Variants in RASAL3 observed in about 807,000 individuals in gnomAD.
RASAL3 encodes the protein RAS protein activator like 3.
Under a neutral mutation model 105.5 loss-of-function variants are expected in RASAL3, and 74 were observed. The ratio of observed to expected loss-of-function variants is 0.70; its 90% CI spans 0.58 to 0.85. The LOEUF (loss-of-function observed/expected upper bound fraction) is 0.85. Among genes scored for constraint, RASAL3 ranks in the 40% least tolerant of loss-of-function variants. The probability of loss-of-function intolerance (pLI) is 0.00; values close to 1 mark genes in which losing one functional copy is unlikely to be tolerated. For synonymous variants in RASAL3, 579 were observed against 591.6 expected, an observed-to-expected ratio of 0.98 and a Z score of 0.31; for missense variants, 1,352 against 1,392.0, an observed-to-expected ratio of 0.97 and a Z score of 0.46.
chr19:15,461,876 C>T (rs189972435), intron 2 of RASAL3, among the ~76,000 whole-genome samples: 1 of 152,326 alleles, frequency 6.6e-6, no homozygotes. Context: ...CTCCAAAAGC[C>T]ATTCAAAGGG....
At position 15,453,371 on chromosome 19, in the gene RASAL3, C is replaced by A; in HGVS notation, c.2406G>T (p.Pro802=). The stretch of plus-strand genomic sequence containing the variant: ...GCCGCCGCAGGGGCCGCTCTTCGTC[C>A]GGCCGTGGCCGGGCCCAACTCTCTG... ...RRSESWARPR[P]DEERPLRRPR... is the part of the protein sequence containing the mutation. Residue 802 remains proline, a synonymous_variant, in exon 15 of 18, where the codon CCG becomes CCT. Coordinates refer to ENST00000343625, the MANE Select transcript of RASAL3 (RefSeq NM_022904.3). The surrounding 1 kb of genome is among the most constrained non-coding windows in gnomAD (Gnocchi z 4.2). 6.9e-7 allele frequency: 1 copy of A among 1,449,686 alleles called. No individual in the cohort carries two copies. The highest frequency in any genetic ancestry group is 1.4e-5 in the South Asian group (1 of 71,712). 89.8% of individuals were successfully genotyped at this position (1,449,686 alleles called of 1,614,324 possible).
Position 15,457,977 on chromosome 19 carries a change from C to T in RASAL3, c.889-143G>A. ...GGGCCTTTGGGGAAAGAAGTGGAGC[C>T]ACGGGAGTCCGGAGGCGGTTACGCG... On this transcript the variant is annotated intron_variant, in intron 8 of 17. Coordinates refer to ENST00000343625, the MANE Select transcript of RASAL3 (RefSeq NM_022904.3). This position sits in a 1 kb window ranked among gnomAD's most constrained non-coding sequence, Gnocchi z 8.6. 1.0e-6 allele frequency: 1 copy of T among 972,642 alleles called. No individual in the cohort carries two copies. The highest frequency in any genetic ancestry group is 1.5e-6 in the Non-Finnish European group (1 of 665,832). The allele number at this position is 972,642 out of a possible 1,614,324, so 60.3% of individuals were successfully genotyped here.
chr19:15,453,250 T>C lies in RASAL3; in HGVS notation c.2527A>G (p.Ser843Gly). 6.3e-7 allele frequency: 1 copy of C among 1,584,402 alleles called. No individual in the cohort carries two copies. Among genetic ancestry groups the C allele is most frequent in the Non-Finnish European group, 8.6e-7 (1 of 1,167,414 alleles). ...CGGGCGCGGGGCGCTGGTCCCATGC[T>C]CAGGGAGCCTTTGGGTCGCGGCCAG... ...GPWPRPKGSL[S>G]MGPAPRARPW... Residue 843 changes from serine to glycine, a missense_variant, in exon 15 of 18, where the codon AGC becomes GGC. Ser to Gly is a moderately conservative substitution (Grantham distance 56). This residue lies in a region of RASAL3 where 920 missense variants were observed against 919.6 expected (regional missense o/e 1.00). Coordinates refer to ENST00000343625, the MANE Select transcript of RASAL3 (RefSeq NM_022904.3). The surrounding 1 kb of genome is among the most constrained non-coding windows in gnomAD (Gnocchi z 4.2).
rs1479252571 is a variant in RASAL3, at chr19:15,452,679, A to G, written c.2807T>C (p.Leu936Pro). Reference sequence around the variant, plus strand: ...TCACCCAGCACGGAGCCTGGAGTCCAGATCCTGCAGCTGGCCCCGCAGCTG... The same window carrying G: ...TCACCCAGCACGGAGCCTGGAGTCCGGATCCTGCAGCTGGCCCCGCAGCTG... Reference protein sequence around the residue: ...QEQLRGQLQDLDSRLRAGSSE... With the variant: ...QEQLRGQLQDPDSRLRAGSSE... The change falls in exon 16 of 18, where the codon CTG becomes CCG. Residue 936 changes from leucine (L) to proline (P), a missense_variant. This residue lies in a region of RASAL3 where 920 missense variants were observed against 919.6 expected (regional missense o/e 1.00). Coordinates refer to ENST00000343625, the MANE Select transcript of RASAL3 (RefSeq NM_022904.3). 3.9e-6 allele frequency: 6 copies of G among 1,550,376 alleles called. No individual in the cohort carries two copies. Among genetic ancestry groups the G allele is most frequent in the East Asian group, 2.4e-5 (1 of 41,048 alleles).
chr19:15,459,447 G>A (rs1032412993), intron 6 of RASAL3, among the ~76,000 whole-genome samples: 1 of 151,072 alleles, frequency 6.6e-6, no homozygotes, highest in Non-Finnish European at 1.5e-5. Flanking sequence ...ATTTCACCAC[G>A]TTGGCCAGGC....
In RASAL3 at chr19:15,460,343, T is replaced by C. The variant is rs373790332; in HGVS notation, c.607-85A>G. On this transcript the variant is annotated intron_variant, in intron 5 of 17. Coordinates refer to ENST00000343625, the MANE Select transcript of RASAL3 (RefSeq NM_022904.3). ...TCCCAAGACATCCCAGAGGATCTACTGGTCTTGGAGGACCAACACCAAGCT... is the reference window on the plus strand; with the variant it reads ...TCCCAAGACATCCCAGAGGATCTACCGGTCTTGGAGGACCAACACCAAGCT... 119 of 1,344,626 alleles carry C rather than the reference T, an allele frequency of 8.9e-5. 1 individual carries two copies. The East Asian group carries it at 2.3e-3, about 26-fold the overall frequency. The allele number at this position is 1,344,626 out of a possible 1,614,324, so 83.3% of individuals were successfully genotyped here. A position where few individuals can be genotyped will look rare whatever the true frequency, so the allele number is the denominator to read the frequency against.
intron 2 of RASAL3, among the ~76,000 whole-genome samples, chr19:15,462,100 C>G (rs1599752416): frequency 6.6e-6 from 1 of 152,032 alleles, no homozygotes; most frequent in Non-Finnish European, 1.5e-5. Context: ...TGCCTGTAAT[C>G]CCAACATTTG....
Position 15,456,553 on chromosome 19 carries a change from T to C in RASAL3, c.1525A>G (p.Ile509Val). The C allele has an allele frequency of 6.2e-7, 1 of 1,613,844 alleles. No homozygotes were observed. Residue 509 changes from isoleucine (I) to valine (V), a missense_variant, in exon 10 of 18, where the codon ATC becomes GTC. By Grantham distance (29) the Ile-to-Val change is conservative. Around this residue, in one of 3 missense-constraint regions of RASAL3, gnomAD observed 920 missense variants for 919.6 expected, o/e 1.00. Coordinates refer to ENST00000343625, the MANE Select transcript of RASAL3 (RefSeq NM_022904.3). The surrounding 1 kb of genome is among the most constrained non-coding windows in gnomAD (Gnocchi z 4.4). ...GCCACGAGCTTCATGTACTCATCGATAGCCTTGGTGGCCAATGTGTTTTCC... is the reference window on the plus strand; with the variant it reads ...GCCACGAGCTTCATGTACTCATCGACAGCCTTGGTGGCCAATGTGTTTTCC... ...FRENTLATKA[I>V]DEYMKLVAQD...
rs1369103496 is a variant in RASAL3, at chr19:15,457,363, G to C, written c.1360C>G (p.Leu454Val). The C allele has an allele frequency of 4.9e-6, 7 of 1,425,382 alleles. No homozygotes were observed. The East Asian group carries it at 2.2e-4, about 45-fold the overall frequency. 88.3% of individuals were successfully genotyped at this position (1,425,382 alleles called of 1,614,324 possible). ...AGCTCCTCCTTGGCCTGCGCAGGCA[G>C]CGCGGGCTCCAGGGCCCCGCAGAGG... ...ARLCGALEPA[L>V]PAQAKEELAA... is the part of the protein sequence containing the mutation. The change falls in exon 9 of 18, where the codon CTG becomes GTG. Residue 454 changes from leucine to valine, a missense_variant. Coordinates refer to ENST00000343625, the MANE Select transcript of RASAL3 (RefSeq NM_022904.3). This position sits in a 1 kb window ranked among gnomAD's most constrained non-coding sequence, Gnocchi z 8.6.
intron 8 of RASAL3, 96 bp downstream of exon 8, chr19:15,458,232 G>A: frequency 8.6e-7 from 1 of 1,157,108 alleles, no homozygotes; most frequent in Non-Finnish European, 1.2e-6. Context: ...TGTTGGGGGC[G>A]CGGGTTATGG....
chr19:15,457,566 G>T lies in RASAL3; in HGVS notation c.1157C>A (p.Ala386Glu), dbSNP rs773134508. 474 of 1,186,650 alleles carry T rather than the reference G, an allele frequency of 4.0e-4. 1 individual carries two copies. Among genetic ancestry groups the T allele is most frequent in the Non-Finnish European group, 4.6e-4 (443 of 953,160 alleles). The allele number at this position is 1,186,650 out of a possible 1,614,324, so 73.5% of individuals were successfully genotyped here. Reference sequence around the variant, plus strand: ...GCGTGGGGCGTCCAGCTCCTCCAGCGCCAGGGCCACGCGGCCCAGCACCGC... The same window carrying T: ...GCGTGGGGCGTCCAGCTCCTCCAGCTCCAGGGCCACGCGGCCCAGCACCGC... Reference protein sequence around the residue: ...GSAVLGRVALALEELDAPRAP... With the variant: ...GSAVLGRVALELEELDAPRAP... The change falls in exon 9 of 18, where the codon GCG (alanine) becomes GAG (glutamate). Residue 386 changes from alanine (A) to glutamate (E), a missense_variant. By Grantham distance (107) the Ala-to-Glu change is moderately radical. Coordinates refer to ENST00000343625, the MANE Select transcript of RASAL3 (RefSeq NM_022904.3). The surrounding 1 kb of genome is among the most constrained non-coding windows in gnomAD (Gnocchi z 8.6).
In RASAL3 at chr19:15,457,604, C is replaced by T; in HGVS notation, c.1119G>A (p.Leu373=). The stretch of plus-strand genomic sequence containing the variant: ...GGCCCAGCACCGCGCTTCCCGGGCC[C>T]AAGCCGCGCAGCCGCAGCGACAGGC... The part of the protein sequence containing the change: ...ARRLSLRLRG[L]GPGSAVLGRV... The change falls in exon 9 of 18, where the codon TTG becomes TTA. Residue 373 remains leucine, a synonymous_variant. Coordinates refer to ENST00000343625, the MANE Select transcript of RASAL3 (RefSeq NM_022904.3). The surrounding 1 kb of genome is among the most constrained non-coding windows in gnomAD (Gnocchi z 8.6). The T allele has an allele frequency of 7.4e-7, 1 of 1,347,928 alleles. No individual in the cohort carries two copies. Among genetic ancestry groups the T allele is most frequent in the South Asian group, 1.4e-5 (1 of 70,014 alleles). 83.5% of individuals were successfully genotyped at this position (1,347,928 alleles called of 1,614,324 possible). A position where few individuals can be genotyped will look rare whatever the true frequency, so the allele number is the denominator to read the frequency against.
rs1025046819 is a variant in RASAL3, at chr19:15,453,406, C to A, written c.2371G>T (p.Val791Phe). 2.7e-6 allele frequency: 4 copies of A among 1,504,246 alleles called. No individual in the cohort carries two copies. The highest frequency in any genetic ancestry group is 3.5e-6 in the Non-Finnish European group (4 of 1,137,376). 93.2% of individuals were successfully genotyped at this position (1,504,246 alleles called of 1,614,324 possible). The stretch of plus-strand genomic sequence containing the variant: ...CGGGCCCAACTCTCTGAGCGGCGAA[C>A]GCTGCGCAGAGACTGGCTCTTGGAG... ...LISKSQSLRS[V>F]RRSESWARPR... Residue 791 changes from valine (V) to phenylalanine (F), a missense_variant, in exon 15 of 18, where the codon GTT becomes TTT. Val to Phe is a conservative substitution (Grantham distance 50). Transcript: ENST00000343625. This position sits in a 1 kb window ranked among gnomAD's most constrained non-coding sequence, Gnocchi z 4.2.
intron 11 of RASAL3, among the ~76,000 whole-genome samples, chr19:15,455,691 G>T (rs1390774405): frequency 6.6e-6 from 1 of 152,182 alleles, no homozygotes; most frequent in East Asian, 1.9e-4. Context: ...TTGGGACAGG[G>T]TCTCTGTCAA....
chr19:15,462,735 G>A (rs1417094577), intron 2 of RASAL3, among the ~76,000 whole-genome samples: 3 of 152,170 alleles, frequency 2.0e-5, no homozygotes, highest in Non-Finnish European at 2.9e-5. Flanking sequence ...GGCGGATCAT[G>A]AGGTCAGGAG....
chr19:15,452,905 G>C (rs1200361183), intron 15 of RASAL3, 90 bp from the exon 16 acceptor site: 1 of 1,464,336 alleles, frequency 6.8e-7, no homozygotes, highest in Admixed American at 2.3e-5. Flanking sequence ...AGCGCTCAGC[G>C]TCATCACCGG....
Position 15,453,283 on chromosome 19 carries a change from C to T in RASAL3, c.2494G>A (p.Ala832Thr), listed in dbSNP as rs1392906375. Residue 832 changes from alanine to threonine, a missense_variant, in exon 15 of 18, where the codon GCG becomes ACG. Transcript: ENST00000343625. The surrounding 1 kb of genome is among the most constrained non-coding windows in gnomAD (Gnocchi z 4.2). ...CCTTTGGGTCGCGGCCAGGGCCCCG[C>T]AGATTGGCGGCGGCGGGCAGGACGC... ...VRRPARRRQS[A>T]GPWPRPKGSL... The T allele has an allele frequency of 1.6e-5, 24 of 1,528,292 alleles. No individual in the cohort carries two copies. The Admixed American group carries it at 5.1e-4, about 33-fold the overall frequency. 94.7% of individuals were successfully genotyped at this position (1,528,292 alleles called of 1,614,324 possible). A position where few individuals can be genotyped will look rare whatever the true frequency, so the allele number is the denominator to read the frequency against.
chr19:15,456,736 A>G lies in RASAL3; in HGVS notation c.1432-90T>C. 2 of 1,458,038 alleles carry G rather than the reference A, an allele frequency of 1.4e-6. No homozygotes were observed. The highest frequency in any genetic ancestry group is 2.4e-5 in the East Asian group (1 of 41,024). 90.3% of individuals were successfully genotyped at this position (1,458,038 alleles called of 1,614,324 possible). ...GGCTGGTCCCTCACACCAGAGGCAC[A>G]GGCCCCGCCCCTTGTAGCTGATGCT... On this transcript the variant is annotated intron_variant, in intron 9 of 17. Transcript: ENST00000343625. This position sits in a 1 kb window ranked among gnomAD's most constrained non-coding sequence, Gnocchi z 4.4.
chr19:15,462,552 A>T (rs2145492490), intron 2 of RASAL3, among the ~76,000 whole-genome samples: 1 of 152,006 alleles, frequency 6.6e-6, no homozygotes, highest in South Asian at 2.1e-4. Flanking sequence ...GCTTCCAGGA[A>T]ATAGGAGGGC....
Sources: allele counts gnomAD v4.1 joint callset (sites outside exome capture counted in the v4.1 genomes callset), GRCh38; gene constraint gnomAD v4.1.1; regional missense constraint gnomAD v4.1.1; non-coding constraint Gnocchi (gnomAD v3.1); transcripts MANE v1.5; gene names NCBI Gene and HGNC (gene_info 2026-07-23, HGNC 2026-07-21).